RIOK1: variants seen among roughly 807,000 people sequenced by gnomAD.
RIOK1 encodes the protein serine/threonine-protein kinase RIO1.
In RIOK1, 66 loss-of-function variants were observed where a neutral mutation model predicts 73.5. The observed-to-expected ratio is 0.90, with a 90% confidence interval of 0.74 to 1.10. The LOEUF (loss-of-function observed/expected upper bound fraction) is 1.10. RIOK1 is among the 50% of genes least tolerant of loss of function. The pLI is 0.00. For missense variants in RIOK1, 658 were observed against 699.8 expected, an observed-to-expected ratio of 0.94 and a Z score of 0.67; for synonymous variants, 224 against 226.8, an observed-to-expected ratio of 0.99 and a Z score of 0.11.
chr6:7,399,781 A>G (rs1761568235), intron 5 of RIOK1, among the ~76,000 whole-genome samples: 1 of 152,192 alleles, frequency 6.6e-6, no homozygotes, highest in Non-Finnish European at 1.5e-5. Context: ...TGTGCAGTAG[A>G]GAAGAAATGG....
chr6:7,412,750 G>A (rs1293317925), intron 14 of RIOK1, 139 bp from the exon 15 acceptor site: 1 of 419,284 alleles, frequency 2.4e-6, no homozygotes, highest in South Asian at 8.2e-5. Flanking sequence ...CTGTGTTACA[G>A]TGAGATTAAT....
At chr6:7,398,563 A>T in intron 4 of RIOK1, 135 bp from the exon 5 acceptor site, 1 of 651,966 alleles carries the variant, frequency 1.5e-6, no homozygotes, top group Non-Finnish European at 2.7e-6. Flanking sequence ...TGAAAAATCT[A>T]CAATCATATC....
chr6:7,396,434 ATTATC>A (rs988925359), intron 3 of RIOK1, among the ~76,000 whole-genome samples: 1 of 152,216 alleles, frequency 6.6e-6, no homozygotes, highest in African/African-American at 2.4e-5. Context: ...TATGCAAATT[ATTATC>A]TTTGAAGAAT....
chr6:7,412,383 G>A lies in RIOK1; in HGVS notation c.1390-506G>A, dbSNP rs563019390. ...CTCAAAAAAAAAAAAGGCCCAGTAC[G>A]GAGGCTCACACCTGTAATCTCAGCA... On this transcript the variant is annotated intron_variant, in intron 14 of 16. Transcript: ENST00000379834. Among the ~76,000 whole-genome samples the A allele has an allele frequency of 8.6e-4, 122 of 142,406 alleles. No individual in the cohort carries two copies. The South Asian group carries it at 9.9e-3, about 12-fold the overall frequency. The allele number at this position is 142,406 out of a possible 152,430, so 93.4% of individuals were successfully genotyped here.
chr6:7,405,732 T>G (rs1210537219), intron 12 of RIOK1, among the ~76,000 whole-genome samples: 3 of 151,568 alleles, frequency 2.0e-5, no homozygotes, highest in African/African-American at 4.8e-5. Context: ...ACTTAACAGA[T>G]GAAGAATCAA....
chr6:7,404,006 G>A lies in RIOK1; in HGVS notation c.833G>A (p.Ser278Asn). 2 of 1,610,518 alleles carry A rather than the reference G, an allele frequency of 1.2e-6. No homozygotes were observed. Among genetic ancestry groups the A allele is most frequent in the Non-Finnish European group, 1.7e-6 (2 of 1,177,358 alleles). The change falls in exon 9 of 17, where the codon AGT becomes AAT. Residue 278 changes from serine (S) to asparagine (N), a missense_variant. By Grantham distance (46) the Ser-to-Asn change is conservative (BLOSUM62 1). Transcript: ENST00000379834. ...IMLRSHVLVM[S>N]FIGKDDMPAP... ...CTAAGAAGTCATGTTCTTGTCATGA[G>A]TTTCATCGGTAAAGATGACATGTAA...
intron 2 of RIOK1, among the ~76,000 whole-genome samples, chr6:7,393,618 T>G (rs1028087072): frequency 6.6e-6 from 1 of 152,228 alleles, no homozygotes; most frequent in African/African-American, 2.4e-5. Flanking sequence ...AAGTTCAGCC[T>G]CATTGGTAAT....
Position 7,396,715 on chromosome 6 carries a change from T to A in RIOK1, c.380T>A (p.Val127Asp). The A allele has an allele frequency of 6.3e-7, 1 of 1,599,588 alleles. No homozygotes were observed. ...TCTTGTATTTTAGATAAGCTAAATG[T>A]TACTGATTCCGTCATAAATAAAGTC... ...ENKINLDKLNVTDSVINKVTE... is the reference protein window; with the variant it reads ...ENKINLDKLNDTDSVINKVTE... Residue 127 changes from valine to aspartate, a missense_variant, in exon 4 of 17, where the codon GTT becomes GAT. Transcript: ENST00000379834.
At chr6:7,396,000 G>A (rs1761465585) in intron 3 of RIOK1, among the ~76,000 whole-genome samples, 1 of 152,124 alleles carries the variant, frequency 6.6e-6, no homozygotes, top group African/African-American at 2.4e-5. Context: ...GAGCCACTGC[G>A]CCTGGCCTGT....
intron 1 of RIOK1, 160 bp from the exon 2 acceptor site, chr6:7,392,939 A>G (rs972279977): frequency 3.0e-6 from 3 of 983,616 alleles, no homozygotes; most frequent in East Asian, 1.1e-4. Context: ...ACAGGAGAAC[A>G]TGGTTTTAAG....
At chr6:7,410,929 T>C (rs376324478) in intron 13 of RIOK1, among the ~76,000 whole-genome samples, 34 of 152,324 alleles carry the variant, frequency 2.2e-4, no homozygotes, top group African/African-American at 7.5e-4. Context: ...TCGGCAGCTC[T>C]CCACCTTTTT....
rs1298669302 is a variant in RIOK1, at chr6:7,404,041, A to AG, written c.854+17dup. The stretch of plus-strand genomic sequence containing the variant: ...TAAAGATGACATGTAAGTACATGGA[A>AG]GGGCTAATAATTGCATTCTCAGAAC... On this transcript the variant is annotated intron_variant, in intron 9 of 16. Transcript: ENST00000379834. The AG allele has an allele frequency of 3.2e-6, 5 of 1,540,572 alleles. No individual in the cohort carries two copies. Among genetic ancestry groups the AG allele is most frequent in the Non-Finnish European group, 4.5e-6 (5 of 1,114,468 alleles).
intron 13 of RIOK1, among the ~76,000 whole-genome samples, 188 bp downstream of exon 13, chr6:7,410,639 G>A (rs1410123207): frequency 6.6e-6 from 1 of 152,084 alleles, no homozygotes; most frequent in African/African-American, 2.4e-5. Flanking sequence ...ACATTTCACT[G>A]TATTGGTCCA....
At chr6:7,405,904 T>G (rs1483429055) in intron 12 of RIOK1, among the ~76,000 whole-genome samples, 5 of 151,454 alleles carry the variant, frequency 3.3e-5, no homozygotes, top group Non-Finnish European at 7.4e-5. Flanking sequence ...GCAAGAAAAC[T>G]GTCAGTTTTT....
In RIOK1 at chr6:7,404,941, T is replaced by G. The variant is rs1294366435; in HGVS notation, c.1016T>G (p.Ile339Ser). The change falls in exon 11 of 17, where the codon ATC becomes AGC. Residue 339 changes from isoleucine to serine, a missense_variant. Physicochemically the swap from Ile to Ser is moderately radical, Grantham distance 142 (BLOSUM62 -2). Transcript: ENST00000379834. ...AGGTACCACGGTGGAGGCGTGTATA[T>G]CATTGACGTGTCTCAGTCCGTGGAG... ...NMLYHGGGVY[I>S]IDVSQSVEHD... 5.0e-6 allele frequency: 8 copies of G among 1,613,990 alleles called. No homozygotes were observed. The highest frequency in any genetic ancestry group is 4.5e-5 in the East Asian group (2 of 44,898).
Position 7,414,237 on chromosome 6 carries a change from G to A in RIOK1, c.1444-1G>A. On this transcript the variant is annotated splice_acceptor_variant, in intron 15 of 16. Coordinates refer to ENST00000379834, the MANE Select transcript of RIOK1 (RefSeq NM_031480.3). LOFTEE classifies it high-confidence loss of function. ...TAACATGGTTCTTTAATAATTTCAA[G>A]GTCCCTGCACTCCTAGAAAATCAAG... 1 of 1,599,996 alleles carries A rather than the reference G, an allele frequency of 6.3e-7. No homozygotes were observed. The highest frequency in any genetic ancestry group is 8.5e-7 in the Non-Finnish European group (1 of 1,175,948).
At chr6:7,400,869 G>A in intron 5 of RIOK1, 89 bp from the exon 6 acceptor site, 1 of 739,734 alleles carries the variant, frequency 1.4e-6, no homozygotes, top group Non-Finnish European at 2.4e-6. Context: ...GTACAGTTAA[G>A]CTCTGCTGTT....
At chr6:7,411,596 T>C (rs1434222063) in intron 14 of RIOK1, 145 bp downstream of exon 14, 1 of 804,074 alleles carries the variant, frequency 1.2e-6, no homozygotes, top group Non-Finnish European at 2.0e-6. Context: ...TGTGTTAACT[T>C]GTGTGCACAT....
At chr6:7,398,915 G>A (rs573259511) in intron 5 of RIOK1, among the ~76,000 whole-genome samples, 175 bp downstream of exon 5, 18 of 152,066 alleles carry the variant, frequency 1.2e-4, no homozygotes, top group African/African-American at 3.9e-4. Context: ...GCTTTTATAG[G>A]ACTATTGGAT....
Sources: allele counts gnomAD v4.1 joint callset (sites outside exome capture counted in the v4.1 genomes callset), GRCh38; gene constraint gnomAD v4.1.1; transcripts MANE v1.5; gene names NCBI Gene and HGNC (gene_info 2026-07-23, HGNC 2026-07-21).